Variants in FAM13B observed in about 807,000 individuals in gnomAD.
FAM13B encodes the protein family with sequence similarity 13 member B.
Under a neutral mutation model 117.3 loss-of-function variants are expected in FAM13B, and 60 were observed. The ratio of observed to expected loss-of-function variants is 0.51; its 90% CI spans 0.42 to 0.63. The LOEUF is 0.63. Among genes scored for constraint, FAM13B ranks in the 30% least tolerant of loss-of-function variants. FAM13B has a pLI of 0.00. For synonymous variants in FAM13B, 332 were observed against 356.1 expected, an observed-to-expected ratio of 0.93 and a Z score of 0.76; for missense variants, 972 against 1,091.9, an observed-to-expected ratio of 0.89 and a Z score of 1.55.
At chr5:138,001,500 T>C (rs1171499243) in intron 7 of FAM13B, among the ~76,000 whole-genome samples, 1 of 152,208 alleles carries the variant, frequency 6.6e-6, no homozygotes, top group African/African-American at 2.4e-5. Flanking sequence ...TTCAAGAAAA[T>C]TCCATCTTCC....
chr5:137,957,924 G>A (rs578169664), intron 13 of FAM13B, among the ~76,000 whole-genome samples: 99 of 152,316 alleles, frequency 6.5e-4, no homozygotes, highest in African/African-American at 1.9e-3. Flanking sequence ...ACTCAAGAAC[G>A]CTGACGCTAG....
intron 7 of FAM13B, among the ~76,000 whole-genome samples, chr5:138,006,786 T>A (rs1782671464): frequency 6.6e-6 from 1 of 152,234 alleles, no homozygotes; most frequent in South Asian, 2.1e-4. Flanking sequence ...TTGTAAGAAG[T>A]TATGTTTTTG....
At chr5:137,966,486 TATAGAGAG>T (rs1161796143) in intron 10 of FAM13B, among the ~76,000 whole-genome samples, 59 of 44,018 alleles carry the variant, frequency 1.3e-3, no homozygotes, top group South Asian at 9.7e-3. Context: ...TATATATATA[TATAGAGAG>T]AGAGAGAGAG....
rs1438845488 is a variant in FAM13B at position 138,014,051 on chromosome 5, G to A, written c.371-2106C>T. On this transcript the variant is annotated intron_variant, in intron 4 of 23. Coordinates refer to ENST00000689681, the MANE Select transcript of FAM13B (RefSeq NM_001385994.1). ...TCCCAGGCCCAAGCGATCCTCCCAC[G>A]TCAACTTCCTAGGTAACTAGAACCA... 5.9e-5 allele frequency among the ~76,000 whole-genome samples: 9 copies of A among 152,064 alleles called. No individual in the cohort carries two copies. In the East Asian group the frequency reaches 1.5e-3, roughly 26 times the overall value.
intron 1 of FAM13B, among the ~76,000 whole-genome samples, chr5:138,030,101 G>A (rs545045725): frequency 6.6e-4 from 101 of 152,200 alleles, no homozygotes; most frequent in Middle Eastern, 3.4e-3. Flanking sequence ...CACTGACCTG[G>A]AACACTCTCC....
chr5:138,004,338 C>T (rs1317891642), intron 7 of FAM13B, among the ~76,000 whole-genome samples: 2 of 144,424 alleles, frequency 1.4e-5, no homozygotes, highest in Non-Finnish European at 3.0e-5. Context: ...GGATCCTCTA[C>T]AAAACCAGAC....
At chr5:138,009,435 T>C (rs949659964) in intron 6 of FAM13B, among the ~76,000 whole-genome samples, 1 of 151,986 alleles carries the variant, frequency 6.6e-6, no homozygotes, top group African/African-American at 2.4e-5. Context: ...CTAGTGAAAG[T>C]TGAGAGGATG....
intron 10 of FAM13B, among the ~76,000 whole-genome samples, chr5:137,975,269 G>A (rs1307941106): frequency 4.6e-5 from 7 of 152,044 alleles, no homozygotes; most frequent in Non-Finnish European, 7.4e-5. Flanking sequence ...TACTGTCACC[G>A]CTTGAAAACT....
At chr5:137,979,490 C>T (rs955836378) in intron 10 of FAM13B, among the ~76,000 whole-genome samples, 2 of 152,178 alleles carry the variant, frequency 1.3e-5, no homozygotes, top group African/African-American at 4.8e-5. Context: ...TTTTCTTCTA[C>T]TGAGAAAATC....
At chr5:137,956,405 G>C in intron 14 of FAM13B, 72 bp downstream of exon 14, 1 of 1,064,782 alleles carries the variant, frequency 9.4e-7, no homozygotes, top group South Asian at 1.7e-5. Context: ...AGCAGGAGAA[G>C]GGCTTAATAA....
intron 10 of FAM13B, among the ~76,000 whole-genome samples, chr5:137,966,484 TATATAGAG>T (rs1443877234): frequency 2.4e-3 from 122 of 50,600 alleles, no homozygotes; most frequent in South Asian, 5.4e-3. Context: ...TATATATATA[TATATAGAG>T]AGAGAGAGAG....
chr5:137,943,346 T>C (rs1762417624), intron 20 of FAM13B, 130 bp from the exon 21 acceptor site: 1 of 680,722 alleles, frequency 1.5e-6, no homozygotes, highest in African/African-American at 1.8e-5. Flanking sequence ...TAAATCTTTT[T>C]AGGAATTGCT....
Position 138,015,405 on chromosome 5 carries a change from CAT to C in FAM13B, c.370+2895_370+2896del, listed in dbSNP as rs539555502. Among the ~76,000 whole-genome samples, 14 of 152,320 alleles carry C rather than the reference CAT, an allele frequency of 9.2e-5. No individual in the cohort carries two copies. In the East Asian group the frequency reaches 2.7e-3, roughly 29 times the overall value. On this transcript the variant is annotated intron_variant, in intron 4 of 23. Coordinates refer to ENST00000689681, the MANE Select transcript of FAM13B (RefSeq NM_001385994.1). ...GTATTTGTGAATATTAAAATATTAT[CAT>C]ATTATTTATCTACAGCTGGGTGCCA...
At chr5:138,003,483 G>T (rs6865315) in intron 7 of FAM13B, among the ~76,000 whole-genome samples, 112,287 of 152,034 alleles carry the variant, frequency 0.74, 42,107 homozygotes, top group East Asian at 0.97. Flanking sequence ...AAATAAAAAG[G>T]AAATGTATAG....
Position 138,021,168 on chromosome 5 carries a change from C to A in FAM13B, c.-173G>T. The A allele has an allele frequency of 8.1e-7, 1 of 1,231,644 alleles. No homozygotes were observed. The highest frequency in any genetic ancestry group is 1.0e-6 in the Non-Finnish European group (1 of 987,922). The allele number at this position is 1,231,644 out of a possible 1,614,324, so 76.3% of individuals were successfully genotyped here. On this transcript the variant is annotated 5_prime_UTR_variant, in exon 2 of 24. Transcript: ENST00000689681. ...CCTGTAGTTCCTCATTGAAGAAATG[C>A]AGAACTCGATCAGTACTTCAGCAGT...
intron 11 of FAM13B, 74 bp from the exon 12 acceptor site, chr5:137,960,288 T>G (rs2150290326): frequency 3.6e-6 from 3 of 825,774 alleles, no homozygotes; most frequent in Middle Eastern, 5.0e-4. Flanking sequence ...CTTACCTAGA[T>G]TCCTCTACTC....
chr5:137,981,125 G>T (rs1775619472), intron 10 of FAM13B, among the ~76,000 whole-genome samples: 1 of 132,078 alleles, frequency 7.6e-6, no homozygotes, highest in African/African-American at 2.8e-5. Flanking sequence ...TGTACAGATG[G>T]GTTCTCCTCC....
At chr5:138,043,977 G>A (rs1581332276) in intron 1 of FAM13B, among the ~76,000 whole-genome samples, 1 of 151,860 alleles carries the variant, frequency 6.6e-6, no homozygotes, top group East Asian at 1.9e-4. Flanking sequence ...GGAGTACAGT[G>A]GCTCCATTAT....
At chr5:138,003,514 A>G (rs763465138) in intron 7 of FAM13B, among the ~76,000 whole-genome samples, 1 of 152,222 alleles carries the variant, frequency 6.6e-6, no homozygotes, top group Non-Finnish European at 1.5e-5. Context: ...AAACACATAA[A>G]TATTACTAAA....
Sources: allele counts gnomAD v4.1 joint callset (sites outside exome capture counted in the v4.1 genomes callset), GRCh38; gene constraint gnomAD v4.1.1; transcripts MANE v1.5; gene names NCBI Gene and HGNC (gene_info 2026-07-23, HGNC 2026-07-21).